ARHGAP6: variants seen among roughly 807,000 people sequenced by gnomAD.
The protein encoded by ARHGAP6 is Rho GTPase activating protein 6, also known as rho GTPase-activating protein 6.
Under a neutral mutation model 55.7 loss-of-function variants are expected in ARHGAP6, and 16 were observed. That is an observed-to-expected ratio of 0.29 (90% CI 0.19 to 0.44). The LOEUF is 0.44. Among genes scored for constraint, ARHGAP6 ranks in the 20% least tolerant of loss-of-function variants. The pLI is 1.00. For synonymous variants in ARHGAP6, 382 were observed against 360.9 expected, an observed-to-expected ratio of 1.06 and a Z score of -0.66; for missense variants, 698 against 808.9, an observed-to-expected ratio of 0.86 and a Z score of 1.66.
chrX:11,621,728 C>T (rs901244008), intron 1 of ARHGAP6, among the ~76,000 whole-genome samples: 3 of 109,695 alleles, frequency 2.7e-5, no homozygotes, highest in South Asian at 3.9e-4. Context: ...TAATGAAGAA[C>T]GGTATTTGAA....
At chrX:11,442,342 C>T (rs1390090254) in intron 1 of ARHGAP6, among the ~76,000 whole-genome samples, 2 of 109,932 alleles carry the variant, frequency 1.8e-5, no homozygotes. Flanking sequence ...CTCAATTCTT[C>T]CTTTGGGAGT....
intron 1 of ARHGAP6, among the ~76,000 whole-genome samples, chrX:11,408,751 T>A (rs963207327): frequency 3.6e-5 from 4 of 110,677 alleles, no homozygotes; most frequent in Non-Finnish European, 5.7e-5. Context: ...CCATGAGTTC[T>A]TCCTACCAGA....
chrX:11,211,763 C>T (rs4568752), intron 2 of ARHGAP6, among the ~76,000 whole-genome samples: 1 of 109,928 alleles, frequency 9.1e-6, no homozygotes, highest in African/African-American at 3.3e-5. Flanking sequence ...AGGCTGATCT[C>T]GAACTCCTGA....
chrX:11,405,613 T>C (rs2049600947), intron 1 of ARHGAP6, among the ~76,000 whole-genome samples: 2 of 112,381 alleles, frequency 1.8e-5, no homozygotes, highest in Non-Finnish European at 3.8e-5. Flanking sequence ...AATCCTTGGT[T>C]CTTAGTCTAA....
At chrX:11,513,023 A>T (rs2050799802) in intron 1 of ARHGAP6, among the ~76,000 whole-genome samples, 1 of 112,043 alleles carries the variant, frequency 8.9e-6, no homozygotes, top group African/African-American at 3.2e-5. Flanking sequence ...TATTTATGTT[A>T]GTCAAATACC....
intron 1 of ARHGAP6, among the ~76,000 whole-genome samples, chrX:11,286,901 G>A (rs1656434013): frequency 8.9e-6 from 1 of 112,068 alleles, no homozygotes; most frequent in South Asian, 3.7e-4. Flanking sequence ...GTTGTCTTGT[G>A]CTAAGGGGAG....
At chrX:11,160,276 C>T (rs1314369955) in intron 9 of ARHGAP6, among the ~76,000 whole-genome samples, 3 of 105,503 alleles carry the variant, frequency 2.8e-5, no homozygotes, top group African/African-American at 1.1e-4. Flanking sequence ...GGTGAAACCC[C>T]GTCTCTACTA....
intron 1 of ARHGAP6, among the ~76,000 whole-genome samples, chrX:11,545,981 T>C (rs975631703): frequency 9.0e-6 from 1 of 110,964 alleles, no homozygotes; most frequent in Non-Finnish European, 1.9e-5. Context: ...TGCCCTGCAA[T>C]TGACCTTCTG....
intron 9 of ARHGAP6, among the ~76,000 whole-genome samples, chrX:11,157,628 T>G (rs1348475722): frequency 2.7e-5 from 3 of 111,950 alleles, no homozygotes; most frequent in African/African-American, 6.5e-5. Flanking sequence ...TGAGAGAAAA[T>G]AAAATTTCAG....
chrX:11,464,015 T>C (rs948310599), intron 1 of ARHGAP6, among the ~76,000 whole-genome samples: 1 of 112,126 alleles, frequency 8.9e-6, no homozygotes, highest in Admixed American at 9.4e-5. Flanking sequence ...ACTATTCCAG[T>C]CTCATCTAAA....
intron 1 of ARHGAP6, among the ~76,000 whole-genome samples, chrX:11,530,513 C>T (rs747858083): frequency 1.8e-5 from 2 of 111,656 alleles, no homozygotes; most frequent in Non-Finnish European, 1.9e-5. Flanking sequence ...TTACCATTCT[C>T]GATACATACG....
chrX:11,407,704 T>G (rs2049627684), intron 1 of ARHGAP6, among the ~76,000 whole-genome samples: 1 of 112,045 alleles, frequency 8.9e-6, no homozygotes, highest in African/African-American at 3.2e-5. Context: ...TGTAAAGTGG[T>G]ATTTCCTTGT....
chrX:11,405,740 G>A (rs1429215458), intron 1 of ARHGAP6, among the ~76,000 whole-genome samples: 1 of 111,864 alleles, frequency 8.9e-6, no homozygotes, highest in Non-Finnish European at 1.9e-5. Flanking sequence ...TCGGGAAGAT[G>A]TAAGACAGCT....
chrX:11,191,695 T>C (rs965856292), intron 3 of ARHGAP6, among the ~76,000 whole-genome samples: 1 of 111,884 alleles, frequency 8.9e-6, no homozygotes, highest in Non-Finnish European at 1.9e-5. Flanking sequence ...TCATCCCGTC[T>C]AGCTGGTACC....
At chrX:11,532,827 T>C (rs934032179) in intron 1 of ARHGAP6, among the ~76,000 whole-genome samples, 2 of 111,786 alleles carry the variant, frequency 1.8e-5, no homozygotes, top group African/African-American at 6.5e-5. Flanking sequence ...CCTAAAATAT[T>C]TCCCATCTGG....
At chrX:11,622,386 T>G (rs2052239984) in intron 1 of ARHGAP6, among the ~76,000 whole-genome samples, 1 of 112,095 alleles carries the variant, frequency 8.9e-6, no homozygotes, top group Non-Finnish European at 1.9e-5. Context: ...ATAATAAATT[T>G]GGGCAAGGAA....
intron 2 of ARHGAP6, among the ~76,000 whole-genome samples, chrX:11,213,543 T>C (rs960551760): frequency 8.9e-6 from 1 of 112,593 alleles, no homozygotes; most frequent in African/African-American, 3.2e-5. Context: ...AAAATGTGGT[T>C]TATATGTAAA....
intron 2 of ARHGAP6, among the ~76,000 whole-genome samples, chrX:11,251,858 T>C (rs1470316610): frequency 8.9e-6 from 1 of 112,040 alleles, no homozygotes; most frequent in African/African-American, 3.2e-5. Flanking sequence ...TTGATGTCTA[T>C]ATTCATATGC....
intron 1 of ARHGAP6, among the ~76,000 whole-genome samples, chrX:11,484,465 T>C (rs764023438): frequency 1.4e-3 from 125 of 86,437 alleles, no homozygotes; most frequent in African/African-American, 5.3e-3. Context: ...AGGAGGAAGA[T>C]GAAGAGGAAG....
Sources: gnomAD v4.1 joint callset for allele counts (sites outside exome capture counted in the v4.1 genomes callset) on GRCh38, gnomAD v4.1.1 for gene constraint, MANE v1.5 for transcripts, NCBI Gene and HGNC (gene_info 2026-07-23, HGNC 2026-07-21) for gene names.